DNAH5: variants seen among roughly 807,000 people sequenced by gnomAD.
DNAH5 encodes axonemal beta dynein heavy chain 5.
A neutral mutation model predicts 518.2 loss-of-function variants in DNAH5; 372 were observed. The observed-to-expected ratio is 0.72, with a 90% CI of 0.66 to 0.78. DNAH5 has a LOEUF of 0.78. DNAH5 is among the 30% of genes least tolerant of loss of function. The probability of loss-of-function intolerance (pLI) is 0.00; values close to 1 mark genes in which losing one functional copy is unlikely to be tolerated. For synonymous variants in DNAH5, 2,039 were observed against 2,025.9 expected (o/e 1.01, Z -0.17); for missense variants, 5,523 against 5,687.0 (o/e 0.97, Z 0.93).
At chr5:13,914,694 T>C in intron 9 of DNAH5, 52 bp from the exon 10 acceptor site, 1 of 1,573,936 alleles carries the variant, frequency 6.4e-7, no homozygotes, top group Non-Finnish European at 8.7e-7. Context: ...CCATGGATTG[T>C]AAACTGGACT....
At chr5:13,906,045 T>C (rs559627020) in intron 12 of DNAH5, among the ~76,000 whole-genome samples, 1 of 152,298 alleles carries the variant, frequency 6.6e-6, no homozygotes, top group Admixed American at 6.5e-5. Context: ...TTCTGTATGC[T>C]TCCGACTAGA....
chr5:13,886,216 C>T, intron 17 of DNAH5, 87 bp from the exon 18 acceptor site: 2 of 1,368,912 alleles, frequency 1.5e-6, no homozygotes, highest in Non-Finnish European at 2.0e-6. Context: ...GGTAGCAATG[C>T]TGTGGCTCAG....
At chr5:13,720,958 A>G (rs202169689) in intron 71 of DNAH5, 42 bp downstream of exon 71, 1 of 1,613,618 alleles carries the variant, frequency 6.2e-7, no homozygotes, top group Non-Finnish European at 8.5e-7. Context: ...TATAACCTGT[A>G]ATATGAACAG....
At chr5:13,871,227 T>A (rs1017680364) in intron 23 of DNAH5, among the ~76,000 whole-genome samples, 2 of 152,210 alleles carry the variant, frequency 1.3e-5, no homozygotes, top group African/African-American at 2.4e-5. Context: ...AATGTTTTTT[T>A]AAAAAAGCAC....
intron 30 of DNAH5, among the ~76,000 whole-genome samples, chr5:13,852,496 C>T (rs555490617): frequency 6.6e-6 from 1 of 152,116 alleles, no homozygotes; most frequent in South Asian, 2.1e-4. Flanking sequence ...ACCCTAGTGG[C>T]ACCTGGGATG....
chr5:13,854,065 T>A (rs1017763338), intron 30 of DNAH5, among the ~76,000 whole-genome samples: 2 of 151,940 alleles, frequency 1.3e-5, no homozygotes, highest in Non-Finnish European at 2.9e-5. Context: ...CCAAAACACA[T>A]AATCATCAGA....
chr5:13,775,897 C>G (rs1348705965), intron 55 of DNAH5, among the ~76,000 whole-genome samples: 1 of 149,900 alleles, frequency 6.7e-6, no homozygotes, highest in Non-Finnish European at 1.5e-5. Flanking sequence ...TCCTCATGTT[C>G]TGATGTAATA....
intron 68 of DNAH5, among the ~76,000 whole-genome samples, chr5:13,732,624 C>T (rs1460286867): frequency 4.6e-5 from 7 of 152,034 alleles, no homozygotes; most frequent in African/African-American, 1.7e-4. Flanking sequence ...CCACCTCAGC[C>T]TTCCAAAGTG....
intron 47 of DNAH5, among the ~76,000 whole-genome samples, chr5:13,806,627 G>A (rs12657503): frequency 6.6e-6 from 1 of 152,098 alleles, no homozygotes; most frequent in Non-Finnish European, 1.5e-5. Context: ...ATCTTCTGGT[G>A]ATATATTAAT....
intron 1 of DNAH5, among the ~76,000 whole-genome samples, chr5:14,011,176 A>G (rs997889629): frequency 2.6e-5 from 4 of 152,122 alleles, no homozygotes; most frequent in African/African-American, 9.7e-5. Flanking sequence ...GGAACTAAAC[A>G]TTCGCTTCTG....
rs1269999636 is a variant in DNAH5 at position 13,876,833 on chromosome 5, GAA to G, written c.3263-18_3263-17del. On this transcript the variant is annotated splice_polypyrimidine_tract_variant and intron_variant, in intron 21 of 78. Transcript: ENST00000265104. Reference sequence around the variant, plus strand: ...TCCAAGGTATCTAAAAAGAAAAAAAGAAGAGAAAACTTTACACTACTCACACA... The same window carrying G: ...TCCAAGGTATCTAAAAAGAAAAAAAGGAGAAAACTTTACACTACTCACACA... 1.9e-6 allele frequency: 3 copies of G among 1,612,340 alleles called. No individual in the cohort carries two copies. The highest frequency in any genetic ancestry group is 1.7e-6 in the Non-Finnish European group (2 of 1,179,210).
chr5:13,713,866 T>G (rs1345080743), intron 75 of DNAH5, among the ~76,000 whole-genome samples: 1 of 152,112 alleles, frequency 6.6e-6, no homozygotes, highest in Non-Finnish European at 1.5e-5. Context: ...TAATTCAATT[T>G]AAAAAGATGT....
chr5:13,958,068 T>C (rs979300072), intron 1 of DNAH5, among the ~76,000 whole-genome samples: 10 of 151,986 alleles, frequency 6.6e-5, no homozygotes, highest in African/African-American at 1.4e-4. Context: ...AACGATTGCA[T>C]AGCATATCAA....
At position 13,966,847 on chromosome 5, in the gene DNAH5, G is replaced by GT. The variant is rs540879189; in HGVS notation, c.13-35604dup. Among the ~76,000 whole-genome samples the GT allele has an allele frequency of 5.1e-4, 78 of 152,114 alleles. No homozygotes were observed. The South Asian group carries it at 6.0e-3, about 12-fold the overall frequency. On this transcript the variant is annotated intron_variant, in intron 1 of 78. Transcript: ENST00000681290. ...ATTTCTTTTGCTATGCTAAAGCATT[G>GT]TTTTTTGTTTTTTGCTTTTTGCTTT...
intron 1 of DNAH5, among the ~76,000 whole-genome samples, chr5:13,938,761 A>C (rs1427790342): frequency 6.6e-6 from 1 of 152,110 alleles, no homozygotes; most frequent in Admixed American, 6.6e-5. Context: ...TTGGCTGTCA[A>C]TGTCAACCTC....
chr5:13,707,879 T>C lies in DNAH5; in HGVS notation c.13338+244A>G, dbSNP rs1743007630. The stretch of plus-strand genomic sequence containing the variant: ...TTTCTCATCTGTAAAATAAGAGCAG[T>C]AAAATACAAAATTTAAGTAAAATAA... On this transcript the variant is annotated intron_variant, in intron 76 of 78. Coordinates refer to ENST00000265104, the MANE Select transcript of DNAH5 (RefSeq NM_001369.3). The surrounding 1 kb of genome is among the most constrained non-coding windows in gnomAD (Gnocchi z 4.0). 6.6e-6 allele frequency among the ~76,000 whole-genome samples: 1 copy of C among 152,036 alleles called. No homozygotes were observed. The highest frequency in any genetic ancestry group is 6.6e-5 in the Admixed American group (1 of 15,264).
chr5:13,716,834 A>G, intron 73 of DNAH5, 144 bp from the exon 74 acceptor site: 2 of 712,738 alleles, frequency 2.8e-6, no homozygotes, highest in East Asian at 2.7e-5. Flanking sequence ...TGCAGAAAGA[A>G]AAGTAAAAAG....
At position 13,707,627 on chromosome 5, in the gene DNAH5, C is replaced by T. The variant is rs377759722; in HGVS notation, c.13338+496G>A. Among the ~76,000 whole-genome samples the T allele has an allele frequency of 7.9e-5, 12 of 152,106 alleles. No homozygotes were observed. The East Asian group carries it at 9.7e-4, about 12-fold the overall frequency. On this transcript the variant is annotated intron_variant, in intron 76 of 78. Coordinates refer to ENST00000265104, the MANE Select transcript of DNAH5 (RefSeq NM_001369.3). This position sits in a 1 kb window ranked among gnomAD's most constrained non-coding sequence, Gnocchi z 4.0. ...AAAACCCAGCCACACCCCTGTCACA[C>T]GCCCTGTGAGGGGGATAAGGGAACT...
At chr5:13,781,621 T>C (rs1475396809) in intron 52 of DNAH5, among the ~76,000 whole-genome samples, 1 of 152,066 alleles carries the variant, frequency 6.6e-6, no homozygotes, top group Non-Finnish European at 1.5e-5. Context: ...ATCAGGGGTT[T>C]TCGCTTTTGC....
Sources: allele counts gnomAD v4.1 joint callset (sites outside exome capture counted in the v4.1 genomes callset), GRCh38; gene constraint gnomAD v4.1.1; non-coding constraint Gnocchi (gnomAD v3.1); transcripts MANE v1.5; gene names NCBI Gene and HGNC (gene_info 2026-07-23, HGNC 2026-07-21).